PCDH9: variants seen among roughly 807,000 people sequenced by gnomAD.
The protein encoded by PCDH9 is protocadherin-9.
A neutral mutation model predicts 70.6 loss-of-function variants in PCDH9; 24 were observed. The observed-to-expected ratio is 0.34, with a 90% CI of 0.25 to 0.48. The LOEUF (loss-of-function observed/expected upper bound fraction) is 0.48. Ranked by LOEUF, PCDH9 falls within the 20% of genes least tolerant of loss-of-function variation. The pLI is 0.99. For synonymous variants in PCDH9, 562 were observed against 558.5 expected (o/e 1.01, Z -0.09); for missense variants, 1,281 against 1,503.6 (o/e 0.85, Z 2.45).
At chr13:67,176,340 C>T (rs763710999) in intron 2 of PCDH9, among the ~76,000 whole-genome samples, 4 of 151,976 alleles carry the variant, frequency 2.6e-5, no homozygotes, top group Non-Finnish European at 4.4e-5. Flanking sequence ...GGTTCAATCC[C>T]CCATGCTTAA....
chr13:66,728,620 T>G (rs2079034720), intron 3 of PCDH9, among the ~76,000 whole-genome samples: 1 of 152,114 alleles, frequency 6.6e-6, no homozygotes, highest in Admixed American at 6.6e-5. Flanking sequence ...AACTTTAATC[T>G]CTCAGTTCTG....
At position 66,583,817 on chromosome 13, in the gene PCDH9, T is replaced by C. The variant is rs143372214; in HGVS notation, c.3340+47393A>G. On this transcript the variant is annotated intron_variant, in intron 4 of 4. Coordinates refer to ENST00000377865, the MANE Select transcript of PCDH9 (RefSeq NM_203487.3). ...CTTCATTTTATGGAACAGAGAAATA[T>C]AACTTCTTGCTAACTGTTCCAAGAG... 5.2e-3 allele frequency among the ~76,000 whole-genome samples: 791 copies of C among 152,302 alleles called. 8 individuals are homozygous for C. The highest frequency in any genetic ancestry group is 0.018 in the African/African-American group (745 of 41,584).
At chr13:66,916,278 A>G (rs891191371) in intron 2 of PCDH9, among the ~76,000 whole-genome samples, 1 of 151,626 alleles carries the variant, frequency 6.6e-6, no homozygotes, top group Non-Finnish European at 1.5e-5. Flanking sequence ...ATTCACCCAG[A>G]TCACTACTGT....
At chr13:67,124,625 T>G (rs1211379456) in intron 2 of PCDH9, among the ~76,000 whole-genome samples, 1 of 152,200 alleles carries the variant, frequency 6.6e-6, no homozygotes, top group Non-Finnish European at 1.5e-5. Context: ...AGCAACATTA[T>G]TCTTTATTAA....
chr13:66,465,010 C>T (rs2138464319), intron 4 of PCDH9, among the ~76,000 whole-genome samples: 1 of 151,982 alleles, frequency 6.6e-6, no homozygotes, highest in East Asian at 1.9e-4. Flanking sequence ...AAGGGAACAA[C>T]CAAGCCATAT....
chr13:66,396,000 T>G (rs1472219832), intron 4 of PCDH9, among the ~76,000 whole-genome samples: 1 of 152,202 alleles, frequency 6.6e-6, no homozygotes, highest in Non-Finnish European at 1.5e-5. Flanking sequence ...CAAAGAAGAT[T>G]TAAATCTATT....
Position 66,492,277 on chromosome 13 carries a change from T to C in PCDH9, c.3340+138933A>G, listed in dbSNP as rs150689621. ...GTTATATAACATGAGATAATAAGGT[T>C]CCTGAGTCTACCAGCCTTGTCTTAC... On this transcript the variant is annotated intron_variant, in intron 4 of 4. Coordinates refer to ENST00000377865, the MANE Select transcript of PCDH9 (RefSeq NM_203487.3). Among the ~76,000 whole-genome samples, 1,051 of 151,986 alleles carry C rather than the reference T, an allele frequency of 6.9e-3. 34 individuals carry two copies. In the East Asian group the frequency reaches 0.091, roughly 13 times the overall value.
At chr13:66,413,382 A>G (rs1957404054) in intron 4 of PCDH9, among the ~76,000 whole-genome samples, 1 of 152,168 alleles carries the variant, frequency 6.6e-6, no homozygotes, top group African/African-American at 2.4e-5. Context: ...TTTAGATTAA[A>G]TTGTCTAAGA....
At chr13:66,631,479 A>C in intron 3 of PCDH9, 68 bp from the exon 4 acceptor site, 2 of 878,908 alleles carry the variant, frequency 2.3e-6, no homozygotes, top group South Asian at 2.8e-5. Context: ...AGTGGAACAC[A>C]AAATCAAAAC....
intron 3 of PCDH9, among the ~76,000 whole-genome samples, chr13:66,658,036 A>G (rs1328511073): frequency 6.6e-6 from 1 of 152,202 alleles, no homozygotes; most frequent in African/African-American, 2.4e-5. Context: ...AAATCTAGAG[A>G]TGATTTTTAA....
At chr13:66,579,819 T>A (rs1423460447) in intron 4 of PCDH9, among the ~76,000 whole-genome samples, 1 of 152,058 alleles carries the variant, frequency 6.6e-6, no homozygotes, top group Non-Finnish European at 1.5e-5. Context: ...AGAATTCATC[T>A]CAGATCTATT....
chr13:66,936,920 T>A (rs1273284371), intron 2 of PCDH9, among the ~76,000 whole-genome samples: 1 of 152,226 alleles, frequency 6.6e-6, no homozygotes, highest in African/African-American at 2.4e-5. Flanking sequence ...AATAACCTAT[T>A]GATCTAACTG....
At chr13:67,092,670 C>T (rs2086241399) in intron 2 of PCDH9, among the ~76,000 whole-genome samples, 1 of 152,174 alleles carries the variant, frequency 6.6e-6, no homozygotes, top group Admixed American at 6.5e-5. Flanking sequence ...AAGTTGTCAT[C>T]TCAAAGGTAC....
At chr13:66,488,514 G>A (rs139388522) in intron 4 of PCDH9, among the ~76,000 whole-genome samples, 55 of 152,164 alleles carry the variant, frequency 3.6e-4, no homozygotes, top group Admixed American at 3.3e-3. Flanking sequence ...ATTTTTATGA[G>A]TAATTATGTG....
rs543836541 is a variant in PCDH9 at position 66,800,431 on chromosome 13, C to T, written c.3138+103073G>A. Among the ~76,000 whole-genome samples, 58 of 152,180 alleles carry T rather than the reference C, an allele frequency of 3.8e-4. 1 individual carries two copies. The highest frequency in any genetic ancestry group is 1.4e-3 in the African/African-American group (57 of 41,530). Reference sequence around the variant, plus strand: ...ACTTCATTCTATTTTTTTATCACTACCTGAAAATATATGATACATATATTT... The same window carrying T: ...ACTTCATTCTATTTTTTTATCACTATCTGAAAATATATGATACATATATTT... On this transcript the variant is annotated intron_variant, in intron 3 of 4. Transcript: ENST00000377865.
intron 4 of PCDH9, among the ~76,000 whole-genome samples, chr13:66,629,573 A>T (rs1402461593): frequency 6.6e-6 from 1 of 152,202 alleles, no homozygotes; most frequent in African/African-American, 2.4e-5. Context: ...GTTCTCCCAA[A>T]TTCAGTGTAA....
At chr13:67,051,542 G>T (rs1160046276) in intron 2 of PCDH9, among the ~76,000 whole-genome samples, 2 of 151,720 alleles carry the variant, frequency 1.3e-5, no homozygotes, top group African/African-American at 4.8e-5. Context: ...ACAGGTGCGT[G>T]CCACCACGCC....
chr13:67,106,702 C>T (rs779649446), intron 2 of PCDH9, among the ~76,000 whole-genome samples: 12 of 152,202 alleles, frequency 7.9e-5, no homozygotes, highest in Non-Finnish European at 1.8e-4. Context: ...GCCATGGCTG[C>T]GGATTGGGCA....
At chr13:67,191,745 G>C (rs1375599248) in intron 2 of PCDH9, among the ~76,000 whole-genome samples, 1 of 151,986 alleles carries the variant, frequency 6.6e-6, no homozygotes, top group African/African-American at 2.4e-5. Context: ...TACCTGCCCT[G>C]TCTCCGGCCC....
Sources: gnomAD v4.1 joint callset for allele counts (sites outside exome capture counted in the v4.1 genomes callset) on GRCh38, gnomAD v4.1.1 for gene constraint, MANE v1.5 for transcripts, NCBI Gene and HGNC (gene_info 2026-07-23, HGNC 2026-07-21) for gene names.